The following FAM13B variants were observed in gnomAD, a reference collection of about 807,000 sequenced individuals.
FAM13B encodes protein FAM13B.
A neutral mutation model predicts 117.3 loss-of-function variants in FAM13B; 60 were observed. That is an observed-to-expected ratio of 0.51 (90% CI 0.42 to 0.63). The LOEUF is 0.63. Among genes scored for constraint, FAM13B ranks in the 30% least tolerant of loss-of-function variants. FAM13B has a pLI of 0.00. For missense variants in FAM13B, 972 were observed against 1,091.9 expected (o/e 0.89, Z 1.55); for synonymous variants, 332 against 356.1 (o/e 0.93, Z 0.76).
chr5:138,018,892 CA>C, intron 3 of FAM13B, 62 bp downstream of exon 3: 1 of 1,359,148 alleles, frequency 7.4e-7, no homozygotes, highest in African/African-American at 1.5e-5. Flanking sequence ...AATCCAAGGT[CA>C]AAAAGGTGTA....
intron 10 of FAM13B, among the ~76,000 whole-genome samples, chr5:137,964,674 T>C (rs1018357753): frequency 6.6e-6 from 1 of 151,906 alleles, no homozygotes; most frequent in Non-Finnish European, 1.5e-5. Flanking sequence ...TGAGCCAAGA[T>C]TGCACCACTG....
At chr5:138,048,054 T>C (rs938065195) in intron 1 of FAM13B, among the ~76,000 whole-genome samples, 2 of 151,988 alleles carry the variant, frequency 1.3e-5, no homozygotes, top group African/African-American at 4.8e-5. Context: ...CTAATGCCTT[T>C]TAAAATAGAA....
intron 1 of FAM13B, among the ~76,000 whole-genome samples, chr5:138,043,130 G>A (rs1298941721): frequency 1.3e-5 from 2 of 152,032 alleles, no homozygotes; most frequent in East Asian, 3.9e-4. Context: ...AAATTGACCA[G>A]GCCAGCAAGA....
At chr5:138,036,713 C>A, upstream of FAM13B, 1 of 377,014 alleles carries the variant, frequency 2.7e-6, no homozygotes, top group South Asian at 2.0e-5. Flanking sequence ...GGGGGTCTAT[C>A]TCAGAAATTA....
chr5:137,943,736 C>G (rs940792352), intron 20 of FAM13B, among the ~76,000 whole-genome samples: 2 of 148,156 alleles, frequency 1.3e-5, no homozygotes, highest in African/African-American at 5.0e-5. Context: ...CAGACCAAGA[C>G]TCTGCCTCAA....
chr5:138,047,067 G>A (rs17171728), intron 1 of FAM13B, among the ~76,000 whole-genome samples: 5,018 of 152,020 alleles, frequency 0.033, 190 homozygotes, highest in Admixed American at 0.11. Flanking sequence ...TACTCAGAAA[G>A]CAACTCAAGC....
At chr5:137,987,991 C>T (rs1035653432) in intron 8 of FAM13B, among the ~76,000 whole-genome samples, 2 of 152,182 alleles carry the variant, frequency 1.3e-5, no homozygotes, top group African/African-American at 2.4e-5. Context: ...ACTGCTCACA[C>T]TTCTTATGTA....
intron 1 of FAM13B, among the ~76,000 whole-genome samples, chr5:138,042,639 GAAA>G (rs34217311): frequency 1.4e-5 from 2 of 145,046 alleles, no homozygotes; most frequent in Admixed American, 6.9e-5. Flanking sequence ...AAACTTAAAA[GAAA>G]AAAAAAAAAA....
intron 10 of FAM13B, among the ~76,000 whole-genome samples, chr5:137,963,970 G>A (rs1768924326): frequency 6.6e-6 from 1 of 152,128 alleles, no homozygotes; most frequent in African/African-American, 2.4e-5. Flanking sequence ...AAAATGTTGG[G>A]GATCTCTGCT....
chr5:137,942,887 C>T lies in FAM13B; in HGVS notation c.2576G>A (p.Arg859Gln), dbSNP rs749986922. ...TCAGCATACATACATAGAAGCTGCT[C>T]GAGAACTTGACAATCGGAGATCCAG... Reference protein sequence around the residue: ...LALDLRLSSSRAASMPELLEQ... With the variant: ...LALDLRLSSSQAASMPELLEQ... The change falls in exon 22 of 24, where the codon CGA becomes CAA. Residue 859 changes from arginine to glutamine, a missense_variant. Arg to Gln is a conservative substitution (Grantham distance 43). Transcript: ENST00000689681. 2.5e-6 allele frequency: 4 copies of T among 1,608,158 alleles called. No homozygotes were observed. Among genetic ancestry groups the T allele is most frequent in the Non-Finnish European group, 3.4e-6 (4 of 1,178,620 alleles).
intron 4 of FAM13B, 132 bp downstream of exon 4, chr5:138,018,170 A>G: frequency 2.4e-6 from 2 of 816,372 alleles, no homozygotes; most frequent in Non-Finnish European, 1.9e-6. Context: ...TACAACCCCA[A>G]AAAGCAAATG....
intron 10 of FAM13B, among the ~76,000 whole-genome samples, chr5:137,972,100 T>G (rs982200809): frequency 6.6e-5 from 10 of 150,556 alleles, no homozygotes; most frequent in African/African-American, 2.4e-4. Context: ...GAATCCTCCC[T>G]AACTCATTTT....
At chr5:138,031,686 G>GGA (rs1320665544) in intron 1 of FAM13B, among the ~76,000 whole-genome samples, 1 of 133,658 alleles carries the variant, frequency 7.5e-6, no homozygotes, top group East Asian at 2.1e-4. Flanking sequence ...CTGTCTCAAG[G>GGA]AAAAAAAAAA....
chr5:137,986,893 C>T (rs761700937), intron 9 of FAM13B, among the ~76,000 whole-genome samples: 2 of 152,190 alleles, frequency 1.3e-5, no homozygotes, highest in African/African-American at 2.4e-5. Flanking sequence ...TTCTGAGTAT[C>T]ATGTCAGTGC....
At chr5:137,941,456 A>G (rs1761807676) in intron 23 of FAM13B, among the ~76,000 whole-genome samples, 2 of 152,154 alleles carry the variant, frequency 1.3e-5, no homozygotes, top group Admixed American at 6.5e-5. Flanking sequence ...TGCATTACCT[A>G]GTTAGATAAA....
At chr5:137,957,726 C>T (rs746766105) in intron 13 of FAM13B, among the ~76,000 whole-genome samples, 2 of 152,118 alleles carry the variant, frequency 1.3e-5, no homozygotes, top group Admixed American at 6.5e-5. Context: ...TTGCGGACCC[C>T]TATTTCTGGA....
At chr5:137,981,865 G>C (rs934133268) in intron 10 of FAM13B, among the ~76,000 whole-genome samples, 6 of 152,150 alleles carry the variant, frequency 3.9e-5, no homozygotes, top group African/African-American at 7.2e-5. Flanking sequence ...GGGTGGGTAA[G>C]TGGGAGGGCC....
chr5:138,030,396 G>A (rs1789578780), intron 1 of FAM13B, among the ~76,000 whole-genome samples: 1 of 146,174 alleles, frequency 6.8e-6, no homozygotes. Context: ...ACAGGAGCAT[G>A]CCACCATGCC....
chr5:137,977,184 TAGGACGAGGA>T (rs1468666322), intron 10 of FAM13B, among the ~76,000 whole-genome samples: 1 of 152,142 alleles, frequency 6.6e-6, no homozygotes, highest in African/African-American at 2.4e-5. Context: ...CCAGGCTTAT[TAGGACGAGGA>T]AATTCCCGCC....
Sources: allele counts gnomAD v4.1 joint callset (sites outside exome capture counted in the v4.1 genomes callset), GRCh38; gene constraint gnomAD v4.1.1; transcripts MANE v1.5; gene names NCBI Gene and HGNC (gene_info 2026-07-23, HGNC 2026-07-21).